Variants in DOCK4 observed in about 807,000 individuals in gnomAD.
DOCK4 encodes dedicator of cytokinesis 4, also known as dedicator of cytokinesis protein 4.
Under a neutral mutation model 268.1 loss-of-function variants are expected in DOCK4, and 97 were observed. The ratio of observed to expected loss-of-function variants is 0.36; its 90% CI spans 0.31 to 0.43. The LOEUF is 0.43. Among genes scored for constraint, DOCK4 ranks in the 20% least tolerant of loss-of-function variants. The pLI is 1.00. For synonymous variants in DOCK4, 954 were observed against 887.2 expected (o/e 1.08, Z -1.34); for missense variants, 2,145 against 2,455.7 (o/e 0.87, Z 2.67).
At position 111,728,391 on chromosome 7, in the gene DOCK4, C is replaced by T. The variant is rs904210669; in HGVS notation, c.5811G>A (p.Pro1937=). ...HSLSIPVTSE[P]PALPPKPLAA... ...CCAGAGGCTTGGGGGGCAGCGCGGG[C>T]GGCTCCGACGTGACGGGGATGGAGA... The change falls in exon 53 of 53, where the codon CCG becomes CCA. Residue 1937 remains proline, a synonymous_variant. Transcript: ENST00000428084. 9.0e-6 allele frequency: 14 copies of T among 1,554,144 alleles called. No homozygotes were observed. The highest frequency in any genetic ancestry group is 2.3e-5 in the East Asian group (1 of 44,392).
intron 1 of DOCK4, among the ~76,000 whole-genome samples, chr7:112,153,746 T>C (rs1816323299): frequency 6.6e-6 from 1 of 152,132 alleles, no homozygotes; most frequent in Admixed American, 6.5e-5. Flanking sequence ...TGGATGTGTG[T>C]GAAGGACACA....
rs79512449 is a variant in DOCK4 at position 111,940,258 on chromosome 7, G to A, written c.845-16C>T. On this transcript the variant is annotated splice_polypyrimidine_tract_variant and intron_variant, in intron 10 of 52. Transcript: ENST00000428084. ...CCCATTCGACCTGTTCAATTAAAGA[G>A]CAATCATTAACCCATGGAGCCATTT... 5.7e-4 allele frequency: 914 copies of A among 1,613,870 alleles called. 3 individuals are homozygous for A. The African/African-American group carries it at 0.011, about 19-fold the overall frequency.
intron 1 of DOCK4, among the ~76,000 whole-genome samples, chr7:112,205,772 G>GAC (rs35579043): frequency 0.23 from 33,889 of 148,718 alleles, 3,982 homozygotes; most frequent in Middle Eastern, 0.34. Context: ...CTTCCAACTT[G>GAC]ACACACACAC....
rs1798272985 is a variant in DOCK4 at position 111,977,218 on chromosome 7, C to T, written c.615G>A (p.Gln205=). 1.9e-6 allele frequency: 3 copies of T among 1,611,692 alleles called. No homozygotes were observed. Among genetic ancestry groups the T allele is most frequent in the Non-Finnish European group, 2.5e-6 (3 of 1,179,042 alleles). Residue 205 remains glutamine (Q), a synonymous_variant, in exon 8 of 53, where the codon CAG becomes CAA. Transcript: ENST00000428084. ...GGTTGGAACACATGAGGCTCTTCAT[C>T]TGGACAAAGAGGTGGTGACTGCTGG... ...VQASSHHLFV[Q]MKSLMCSNLG...
chr7:111,956,543 T>G (rs534491199), intron 8 of DOCK4, among the ~76,000 whole-genome samples: 8 of 152,330 alleles, frequency 5.3e-5, no homozygotes, highest in Admixed American at 2.0e-4. Context: ...CCTTTCCTTT[T>G]GCTCCTAAGC....
chr7:111,756,145 A>G (rs965163398), intron 41 of DOCK4, among the ~76,000 whole-genome samples: 1 of 152,136 alleles, frequency 6.6e-6, no homozygotes. Flanking sequence ...TCAGGAGATC[A>G]AGACCATCCT....
chr7:112,155,854 C>G (rs190948130), intron 1 of DOCK4, among the ~76,000 whole-genome samples: 1 of 152,206 alleles, frequency 6.6e-6, no homozygotes, highest in Non-Finnish European at 1.5e-5. Flanking sequence ...TCCTATGTGA[C>G]AGCCACTGGC....
chr7:111,946,286 A>G (rs545231303), intron 8 of DOCK4, among the ~76,000 whole-genome samples: 68 of 152,348 alleles, frequency 4.5e-4, no homozygotes, highest in African/African-American at 1.5e-3. Context: ...AGAGATTTCA[A>G]AAATGAAACT....
intron 20 of DOCK4, among the ~76,000 whole-genome samples, chr7:111,871,709 T>A (rs1186878620): frequency 6.6e-6 from 1 of 152,182 alleles, no homozygotes; most frequent in Non-Finnish European, 1.5e-5. Flanking sequence ...ACCAGACATT[T>A]TAGACCAAAG....
intron 8 of DOCK4, among the ~76,000 whole-genome samples, chr7:111,974,492 ATGTGTGTGTG>A (rs59409689): frequency 0.061 from 5,126 of 84,360 alleles, 161 homozygotes; most frequent in East Asian, 0.18. Context: ...TTGAAGAGGG[ATGTGTGTGTG>A]TGTGTGTGTG....
chr7:111,759,400 A>G (rs1015252360), intron 40 of DOCK4, among the ~76,000 whole-genome samples: 3 of 152,226 alleles, frequency 2.0e-5, no homozygotes, highest in African/African-American at 7.2e-5. Context: ...TTAAAGGAGT[A>G]TCATATTAAC....
At chr7:111,742,562 C>A (rs970639659) in intron 44 of DOCK4, among the ~76,000 whole-genome samples, 2 of 148,230 alleles carry the variant, frequency 1.3e-5, no homozygotes, top group Admixed American at 6.7e-5. Context: ...CCTCTCCCCC[C>A]ACATTTCCCT....
chr7:111,773,623 T>C (rs1313608982), intron 36 of DOCK4, among the ~76,000 whole-genome samples: 1 of 152,136 alleles, frequency 6.6e-6, no homozygotes, highest in Non-Finnish European at 1.5e-5. Context: ...TTATCAGGTG[T>C]TAATGTTTAA....
At chr7:111,909,143 G>T (rs1356783093) in intron 13 of DOCK4, among the ~76,000 whole-genome samples, 1 of 152,176 alleles carries the variant, frequency 6.6e-6, no homozygotes, top group African/African-American at 2.4e-5. Flanking sequence ...GTGTAAAAGT[G>T]TTCCTATTTC....
rs756846745 is a variant in DOCK4, at chr7:111,935,455, T to C, written c.1066+85A>G. ...GTGAATAGACAGAAAAACAAAGGGC[T>C]GATAATTTCCTTCCCAAACAGACAA... On this transcript the variant is annotated intron_variant, in intron 12 of 52. Transcript: ENST00000428084. The C allele has an allele frequency of 4.3e-6, 5 of 1,171,488 alleles. No homozygotes were observed. The African/African-American group carries it at 6.0e-5, about 14-fold the overall frequency. 72.6% of individuals were successfully genotyped at this position (1,171,488 alleles called of 1,614,324 possible).
chr7:112,048,481 T>G (rs1805042206), intron 1 of DOCK4, among the ~76,000 whole-genome samples: 1 of 151,184 alleles, frequency 6.6e-6, no homozygotes, highest in Non-Finnish European at 1.5e-5. Flanking sequence ...GAGAATCGCT[T>G]GACCCCAGGA....
At chr7:111,772,528 G>A (rs1300881789) in intron 36 of DOCK4, among the ~76,000 whole-genome samples, 1 of 152,188 alleles carries the variant, frequency 6.6e-6, no homozygotes, top group Admixed American at 6.5e-5. Flanking sequence ...AGGCACAGTG[G>A]TTCATACCTG....
intron 7 of DOCK4, among the ~76,000 whole-genome samples, chr7:111,982,696 T>C (rs1798698647): frequency 6.6e-6 from 1 of 152,258 alleles, no homozygotes; most frequent in South Asian, 2.1e-4. Flanking sequence ...CTTTTCATGA[T>C]ACCATAATGA....
intron 27 of DOCK4, among the ~76,000 whole-genome samples, chr7:111,817,838 G>A (rs1801672012): frequency 6.6e-6 from 1 of 152,092 alleles, no homozygotes; most frequent in African/African-American, 2.4e-5. Flanking sequence ...CCCTTTGACA[G>A]CAAAACTCTT....
Sources: gnomAD v4.1 joint callset for allele counts (sites outside exome capture counted in the v4.1 genomes callset) on GRCh38, gnomAD v4.1.1 for gene constraint, MANE v1.5 for transcripts, NCBI Gene and HGNC (gene_info 2026-07-23, HGNC 2026-07-21) for gene names.